The following NTM variants were observed in gnomAD, a reference collection of about 807,000 sequenced individuals.
The protein encoded by NTM is IgLON family member 2.
Under a neutral mutation model 42.1 loss-of-function variants are expected in NTM, and 13 were observed. The ratio of observed to expected loss-of-function variants is 0.31; its 90% CI spans 0.20 to 0.49. NTM has a LOEUF of 0.49. Among genes scored for constraint, NTM ranks in the 20% least tolerant of loss-of-function variants. The pLI, the probability that NTM is intolerant of heterozygous loss-of-function variation, is 0.99. For missense variants in NTM, 373 were observed against 452.8 expected (o/e 0.82, Z 1.60); for synonymous variants, 187 against 179.2 (o/e 1.04, Z -0.35).
intron 1 of NTM, among the ~76,000 whole-genome samples, chr11:131,573,888 G>A (rs895151101): frequency 3.3e-5 from 5 of 152,114 alleles, no homozygotes; most frequent in South Asian, 4.2e-4. Flanking sequence ...GTCCACCTGC[G>A]GGCACTGGAA....
chr11:131,535,213 C>G (rs140562584), intron 1 of NTM: 1 of 152,242 alleles, frequency 6.6e-6, no homozygotes, highest in South Asian at 2.1e-4. Context: ...TGATTGCCTA[C>G]TGTGAGTCAG....
At chr11:131,376,957 G>A (rs1374263089) in intron 1 of NTM, among the ~76,000 whole-genome samples, 1 of 152,122 alleles carries the variant, frequency 6.6e-6, no homozygotes, top group African/African-American at 2.4e-5. Context: ...AGCAACTAAC[G>A]GATAAGACCA....
intron 1 of NTM, among the ~76,000 whole-genome samples, chr11:131,764,386 T>A (rs1201851540): frequency 1.3e-5 from 2 of 152,164 alleles, no homozygotes; most frequent in Admixed American, 6.5e-5. Context: ...ACCTGGGGAC[T>A]TCCATAGACA....
chr11:131,709,298 C>T (rs372973472), intron 1 of NTM, among the ~76,000 whole-genome samples: 10 of 152,086 alleles, frequency 6.6e-5, no homozygotes, highest in South Asian at 2.1e-4. Flanking sequence ...AAGAATGACA[C>T]GAAATAACTC....
chr11:131,966,524 G>A (rs375122679), intron 2 of NTM, among the ~76,000 whole-genome samples: 16 of 152,314 alleles, frequency 1.1e-4, no homozygotes, highest in African/African-American at 3.6e-4. Flanking sequence ...TGGAGGCGAT[G>A]TTTAGCAATA....
intron 1 of NTM, among the ~76,000 whole-genome samples, chr11:131,571,415 T>C (rs2057425731): frequency 6.6e-6 from 1 of 152,198 alleles, no homozygotes; most frequent in Non-Finnish European, 1.5e-5. Context: ...AGGAGAAAAC[T>C]GAGCTTTCCA....
In NTM at chr11:132,115,870, C is replaced by T. The variant is rs376376212; in HGVS notation, c.168-30412C>T. Among the ~76,000 whole-genome samples, 32 of 152,334 alleles carry T rather than the reference C, an allele frequency of 2.1e-4. No individual in the cohort carries two copies. The South Asian group carries it at 6.4e-3, about 31-fold the overall frequency. ...TGAGCCCTGCTCTTTCATCAGCTCT[C>T]AACCTGGGAAGATCCTTTCTCTATT... On this transcript the variant is annotated intron_variant, in intron 2 of 8. Transcript: ENST00000683400.
chr11:131,926,020 C>T (rs536242229), intron 2 of NTM, among the ~76,000 whole-genome samples: 1 of 152,272 alleles, frequency 6.6e-6, no homozygotes, highest in South Asian at 2.1e-4. Flanking sequence ...CTGTACATCT[C>T]CTATGAGCCA....
At chr11:131,894,234 A>G (rs1439124992) in intron 1 of NTM, among the ~76,000 whole-genome samples, 1 of 152,196 alleles carries the variant, frequency 6.6e-6, no homozygotes, top group Non-Finnish European at 1.5e-5. Context: ...GACACGAGCC[A>G]GTTACTCTGC....
chr11:131,808,268 A>C (rs2092595847), intron 1 of NTM, among the ~76,000 whole-genome samples: 1 of 152,254 alleles, frequency 6.6e-6, no homozygotes, highest in South Asian at 2.1e-4. Context: ...AAGTTTGCAC[A>C]GGGTCCTAAG....
intron 1 of NTM, among the ~76,000 whole-genome samples, chr11:131,704,043 G>T (rs1379271639): frequency 6.6e-6 from 1 of 151,372 alleles, no homozygotes; most frequent in Admixed American, 6.6e-5. Context: ...TGGCTCATGT[G>T]GTTCCAGGCT....
At chr11:131,543,038 T>A (rs1435779353) in intron 1 of NTM, among the ~76,000 whole-genome samples, 1 of 152,198 alleles carries the variant, frequency 6.6e-6, no homozygotes, top group African/African-American at 2.4e-5. Flanking sequence ...GGTTGCCAGT[T>A]ACGCTGCCTC....
intron 1 of NTM, among the ~76,000 whole-genome samples, chr11:131,625,234 C>T (rs768065601): frequency 1.1e-4 from 17 of 152,130 alleles, no homozygotes; most frequent in Non-Finnish European, 4.4e-5. Flanking sequence ...TTTGAAAGCA[C>T]CTGACTACAT....
intron 7 of NTM, among the ~76,000 whole-genome samples, chr11:132,316,250 C>A (rs1227508632): frequency 6.6e-6 from 1 of 152,154 alleles, no homozygotes; most frequent in East Asian, 1.9e-4. Flanking sequence ...TAGGGAGAAG[C>A]AGCAAACAAA....
intron 1 of NTM, among the ~76,000 whole-genome samples, chr11:131,562,969 G>T (rs527743225): frequency 8.9e-4 from 135 of 152,254 alleles, no homozygotes; most frequent in African/African-American, 3.1e-3. Context: ...GGCCCCAGGG[G>T]GAGAAGATGC....
chr11:132,194,037 A>G (rs1265217277), intron 3 of NTM, among the ~76,000 whole-genome samples: 2 of 152,144 alleles, frequency 1.3e-5, no homozygotes, highest in African/African-American at 2.4e-5. Flanking sequence ...TACCAGATGT[A>G]CAAAGAGCTA....
chr11:131,460,149 G>A (rs1274688367), intron 1 of NTM, among the ~76,000 whole-genome samples: 1 of 152,146 alleles, frequency 6.6e-6, no homozygotes, highest in Non-Finnish European at 1.5e-5. Context: ...AAGCAGTCAG[G>A]GATTCATAGA....
chr11:132,127,930 G>A (rs983307106), intron 2 of NTM, among the ~76,000 whole-genome samples: 1 of 152,214 alleles, frequency 6.6e-6, no homozygotes, highest in Non-Finnish European at 1.5e-5. Context: ...CCATCCAAGG[G>A]ACTGAACCAG....
chr11:131,856,317 G>A (rs1168538020), intron 1 of NTM, among the ~76,000 whole-genome samples: 1 of 152,012 alleles, frequency 6.6e-6, no homozygotes, highest in African/African-American at 2.4e-5. Flanking sequence ...ATTATATATT[G>A]CATAATTTTA....
Sources: allele counts gnomAD v4.1 joint callset (sites outside exome capture counted in the v4.1 genomes callset), GRCh38; gene constraint gnomAD v4.1.1; transcripts MANE v1.5; gene names NCBI Gene and HGNC (gene_info 2026-07-23, HGNC 2026-07-21).